LRIG3: variants seen among roughly 807,000 people sequenced by gnomAD.
The protein encoded by LRIG3 is leucine-rich repeats and immunoglobulin-like domains protein 3.
In LRIG3, 76 loss-of-function variants were observed where a neutral mutation model predicts 114.5. The ratio of observed to expected loss-of-function variants is 0.66; its 90% CI spans 0.55 to 0.80. The LOEUF is 0.80. Ranked by LOEUF, LRIG3 falls within the 30% of genes least tolerant of loss-of-function variation. The pLI is 0.00. For missense variants in LRIG3, 1,239 were observed against 1,382.8 expected (o/e 0.90, Z 1.65); for synonymous variants, 512 against 519.8 (o/e 0.98, Z 0.20).
chr12:58,881,477 G>GTT (rs1488993822), intron 12 of LRIG3, among the ~76,000 whole-genome samples: 1 of 148,658 alleles, frequency 6.7e-6, no homozygotes, highest in Non-Finnish European at 1.5e-5. Flanking sequence ...AAAACAAACT[G>GTT]TAAGACACTG....
chr12:58,887,559 G>C (rs924976310), intron 8 of LRIG3, among the ~76,000 whole-genome samples: 15 of 152,098 alleles, frequency 9.9e-5, no homozygotes, highest in African/African-American at 3.4e-4. Context: ...ATCCTGAGAA[G>C]GTTCACTGTA....
chr12:58,902,641 CAT>C (rs138678404), intron 3 of LRIG3, among the ~76,000 whole-genome samples: 5,627 of 151,792 alleles, frequency 0.037, 348 homozygotes, highest in African/African-American at 0.13. Context: ...CATATATATA[CAT>C]GTGCCATGCT....
At chr12:58,899,047 C>G (rs997731588) in intron 3 of LRIG3, among the ~76,000 whole-genome samples, 2 of 152,222 alleles carry the variant, frequency 1.3e-5, no homozygotes, top group Non-Finnish European at 2.9e-5. Context: ...GTTTTGTAAA[C>G]TTTAGCACAC....
Position 58,880,717 on chromosome 12 carries a change from T to C in LRIG3, c.1665A>G (p.Gln555=), listed in dbSNP as rs2120885091. The stretch of plus-strand genomic sequence containing the variant: ...TGGTATACTCCATCACCTCGCCACC[T>C]TGGGCCCGGAGGTGTGCATAATTTT... ...EMENYAHLRA[Q]GGEVMEYTTI... Residue 555 remains glutamine, a synonymous_variant, in exon 13 of 19, where the codon CAA becomes CAG. Transcript: ENST00000320743. 2 of 1,614,216 alleles carry C rather than the reference T, an allele frequency of 1.2e-6. No individual in the cohort carries two copies. Among genetic ancestry groups the C allele is most frequent in the South Asian group, 1.1e-5 (1 of 91,086 alleles).
At chr12:58,881,545 A>G (rs1443522094) in intron 12 of LRIG3, among the ~76,000 whole-genome samples, 2 of 152,194 alleles carry the variant, frequency 1.3e-5, no homozygotes, top group Non-Finnish European at 2.9e-5. Context: ...TGTCAAAGCT[A>G]CATTATAATT....
At chr12:58,891,156 C>T (rs1270151907) in intron 3 of LRIG3, among the ~76,000 whole-genome samples, 1 of 151,948 alleles carries the variant, frequency 6.6e-6, no homozygotes, top group Admixed American at 6.6e-5. Context: ...CACTCTGTCA[C>T]CCAGGCTACA....
chr12:58,894,988 G>T (rs533893931), intron 3 of LRIG3, among the ~76,000 whole-genome samples: 1 of 152,296 alleles, frequency 6.6e-6, no homozygotes, highest in African/African-American at 2.4e-5. Flanking sequence ...GTTCCCTCAG[G>T]CTTCTAAGAG....
chr12:58,883,629 AC>A, intron 10 of LRIG3, 38 bp from the exon 11 acceptor site: 1 of 1,465,854 alleles, frequency 6.8e-7, no homozygotes, highest in African/African-American at 1.4e-5. Flanking sequence ...AGAGCAAACT[AC>A]CATCATTTCG....
chr12:58,891,350 C>T (rs1871450541), intron 3 of LRIG3, among the ~76,000 whole-genome samples: 1 of 152,038 alleles, frequency 6.6e-6, no homozygotes, highest in African/African-American at 2.4e-5. Context: ...TCAAGCAATC[C>T]TCCAGCCTCA....
chr12:58,874,117 G>T lies in LRIG3; in HGVS notation c.3053C>A (p.Ser1018Tyr), dbSNP rs1281200070. Residue 1018 changes from serine (S) to tyrosine (Y), a missense_variant, in exon 18 of 19, where the codon TCC becomes TAC. Ser to Tyr is a moderately radical substitution (Grantham distance 144). Coordinates refer to ENST00000320743, the MANE Select transcript of LRIG3 (RefSeq NM_153377.5). ...PGMKNLCLNK[S>Y]SLDFSANPEP... ...TGGATTTGCACTAAAATCTAAAGAG[G>T]ACTTGTTTAGACACAGATTTTTCAT... 6.2e-7 allele frequency: 1 copy of T among 1,614,074 alleles called. No homozygotes were observed. Among genetic ancestry groups the T allele is most frequent in the Non-Finnish European group, 8.5e-7 (1 of 1,180,036 alleles).
Position 58,887,749 on chromosome 12 carries a change from C to A in LRIG3, c.1091+40G>T. The A allele has an allele frequency of 3.8e-6, 6 of 1,598,038 alleles. No individual in the cohort carries two copies. In the South Asian group the frequency reaches 5.6e-5, roughly 15 times the overall value. ...GAGAAAAGTGGGCATATTTAGGAAC[C>A]AATTACGTTCGAGTACTGACAGCAA... On this transcript the variant is annotated intron_variant, in intron 8 of 18. Transcript: ENST00000320743.
At chr12:58,887,147 C>T (rs991922501) in intron 8 of LRIG3, 2 of 427,062 alleles carry the variant, frequency 4.7e-6, no homozygotes, top group East Asian at 8.2e-5. Context: ...AAAATGACTA[C>T]ATTCTGAATG....
rs1592293923 is a variant in LRIG3, at chr12:58,878,821, C to T, written c.2083+3G>A. 1.2e-6 allele frequency: 2 copies of T among 1,610,134 alleles called. No individual in the cohort carries two copies. ...ACTACAGAATCTTAACAAATTCACC[C>T]ACCTAGGACAGTCAGAGTTGCATTT... On this transcript the variant is annotated splice_donor_region_variant and intron_variant, in intron 14 of 18. Coordinates refer to ENST00000320743, the MANE Select transcript of LRIG3 (RefSeq NM_153377.5).
At chr12:58,879,819 G>A (rs1368043156) in intron 13 of LRIG3, among the ~76,000 whole-genome samples, 1 of 152,180 alleles carries the variant, frequency 6.6e-6, no homozygotes, top group Non-Finnish European at 1.5e-5. Context: ...CCTCTAGGGG[G>A]CAGGTCCTAT....
At chr12:58,877,363 G>A (rs1054392471) in intron 15 of LRIG3, 37 bp downstream of exon 15, 5 of 1,593,156 alleles carry the variant, frequency 3.1e-6, no homozygotes, top group South Asian at 1.1e-5. Flanking sequence ...AAATACACAT[G>A]ACTCCGGTGA....
intron 15 of LRIG3, among the ~76,000 whole-genome samples, chr12:58,877,095 A>G (rs935461078): frequency 1.3e-5 from 2 of 152,198 alleles, no homozygotes; most frequent in African/African-American, 4.8e-5. Context: ...CCTTATCATT[A>G]AAGGGCTGTT....
chr12:58,883,547 A>T lies in LRIG3; in HGVS notation c.1289T>A (p.Phe430Tyr). 6.5e-7 allele frequency: 1 copy of T among 1,547,724 alleles called. No homozygotes were observed. Among genetic ancestry groups the T allele is most frequent in the Non-Finnish European group, 8.8e-7 (1 of 1,134,210 alleles). The change falls in exon 11 of 19, where the codon TTT becomes TAT. Residue 430 changes from phenylalanine to tyrosine, a missense_variant. Physicochemically the swap from Phe to Tyr is conservative, Grantham distance 22. Transcript: ENST00000320743. ...NAIMSLQGNA[F>Y]SQMKKLQQLH... Reference sequence around the variant, plus strand: ...TTGTTGCAGTTTCTTCATTTGTGAAAATGCATTGCCTTGTAAAGACATGAT... The same window carrying T: ...TTGTTGCAGTTTCTTCATTTGTGAATATGCATTGCCTTGTAAAGACATGAT...
At chr12:58,886,541 C>A (rs1243481788) in intron 9 of LRIG3, among the ~76,000 whole-genome samples, 2 of 151,750 alleles carry the variant, frequency 1.3e-5, no homozygotes, top group African/African-American at 4.8e-5. Flanking sequence ...AAAGTGTAAG[C>A]CCTCAACATA....
chr12:58,876,668 G>T, intron 15 of LRIG3, 65 bp from the exon 16 acceptor site: 1 of 1,556,880 alleles, frequency 6.4e-7, no homozygotes. Flanking sequence ...AGGCATCCCG[G>T]GTGAATGGCA....
Sources: gnomAD v4.1 joint callset for allele counts (sites outside exome capture counted in the v4.1 genomes callset) on GRCh38, gnomAD v4.1.1 for gene constraint, MANE v1.5 for transcripts, NCBI Gene and HGNC (gene_info 2026-07-23, HGNC 2026-07-21) for gene names.